The following RRBP1 variants were observed in gnomAD, a reference collection of about 807,000 sequenced individuals.
The protein encoded by RRBP1 is ribosome-binding protein 1.
RRBP1 carries 94 observed loss-of-function variants against 165.2 expected under a neutral mutation model. The ratio of observed to expected loss-of-function variants is 0.57; its 90% CI spans 0.48 to 0.68. RRBP1 has a LOEUF of 0.68. Among genes scored for constraint, RRBP1 ranks in the 30% least tolerant of loss-of-function variants. RRBP1 has a pLI of 0.00. For missense variants in RRBP1, 1,676 were observed against 1,763.0 expected, an observed-to-expected ratio of 0.95 and a Z score of 0.88; for synonymous variants, 680 against 714.5, an observed-to-expected ratio of 0.95 and a Z score of 0.77.
intron 8 of RRBP1, 75 bp from the exon 9 acceptor site, chr20:17,630,036 G>A (rs188433568): frequency 1.2e-5 from 18 of 1,485,490 alleles, no homozygotes; most frequent in Non-Finnish European, 1.6e-5. Context: ...GGTGGAGGCG[G>A]ACAGAGCTCT....
intron 9 of RRBP1, 45 bp downstream of exon 9, chr20:17,629,778 C>T: frequency 6.4e-7 from 1 of 1,564,602 alleles, no homozygotes; most frequent in East Asian, 2.3e-5. Context: ...CATGCAGACC[C>T]AGCACCCTGC....
chr20:17,668,327 A>G (rs1168134079), intron 2 of RRBP1, among the ~76,000 whole-genome samples: 1 of 152,130 alleles, frequency 6.6e-6, no homozygotes, highest in African/African-American at 2.4e-5. Context: ...GTCCTTCGTT[A>G]TTCGATTTGT....
chr20:17,625,409 G>A (rs1199432129), intron 12 of RRBP1, 103 bp downstream of exon 12: 8 of 985,930 alleles, frequency 8.1e-6, no homozygotes, highest in Non-Finnish European at 1.3e-5. Flanking sequence ...CACAAGCTCA[G>A]CCCTCCCCCG....
intron 8 of RRBP1, among the ~76,000 whole-genome samples, chr20:17,630,736 C>A (rs922013627): frequency 2.1e-4 from 32 of 152,206 alleles, no homozygotes; most frequent in Non-Finnish European, 4.4e-5. Flanking sequence ...TTGGAGAACT[C>A]AGTTCTCCAA....
chr20:17,629,814 C>CGCT lies in RRBP1; in HGVS notation c.2749+8_2749+9insAGC, dbSNP rs2036112207. On this transcript the variant is annotated intron_variant, in intron 9 of 24. Transcript: ENST00000377813. ...ACTGAACCCCCGGCCCCACTGCCGC[C>CGCT]GCCCTTACCGGCCATCTGCTGCTGT... is the stretch of plus-strand genomic sequence containing the variant. 1 of 1,594,296 alleles carries CGCT rather than the reference C, an allele frequency of 6.3e-7. No individual in the cohort carries two copies. Among genetic ancestry groups the CGCT allele is most frequent in the Admixed American group, 1.7e-5 (1 of 59,800 alleles).
chr20:17,618,914 A>G (rs1276468236), intron 19 of RRBP1: 1 of 506,282 alleles, frequency 2.0e-6, no homozygotes, highest in Non-Finnish European at 3.6e-6. Context: ...GCCTTCACAA[A>G]TGTTTACTGA....
intron 3 of RRBP1, among the ~76,000 whole-genome samples, chr20:17,648,749 A>C (rs2036507465): frequency 1.3e-5 from 2 of 152,224 alleles, no homozygotes; most frequent in African/African-American, 4.8e-5. Flanking sequence ...AAATTTCAAC[A>C]AAACCAATTT....
chr20:17,644,856 T>C (rs1051758509), intron 3 of RRBP1, among the ~76,000 whole-genome samples: 1 of 152,258 alleles, frequency 6.6e-6, no homozygotes, highest in African/African-American at 2.4e-5. Context: ...TGAAATAACA[T>C]TTTGGATAAA....
rs1370074981 is a variant in RRBP1, at chr20:17,618,663, A to G, written c.3692T>C (p.Leu1231Pro). The G allele has an allele frequency of 6.2e-7, 1 of 1,613,934 alleles. No homozygotes were observed. The highest frequency in any genetic ancestry group is 8.5e-7 in the Non-Finnish European group (1 of 1,179,956). ...KEVAGLRQLLLESQSQLDAAK... is the reference protein window; with the variant it reads ...KEVAGLRQLLPESQSQLDAAK... Reference sequence around the variant, plus strand: ...GGCATCGAGCTGAGATTGAGATTCTAGGAGAAGTTGCCTCAGCTTGGGGAG... The same window carrying G: ...GGCATCGAGCTGAGATTGAGATTCTGGGAGAAGTTGCCTCAGCTTGGGGAG... Residue 1231 changes from leucine to proline, a missense_variant, in exon 20 of 25, where the codon CTA (leucine) becomes CCA (proline). Transcript: ENST00000377813.
At chr20:17,624,414 GTCCTAGTGCTTCTATGCGT>G (rs1334569836) in intron 13 of RRBP1, among the ~76,000 whole-genome samples, 143 bp downstream of exon 13, 3 of 152,180 alleles carry the variant, frequency 2.0e-5, no homozygotes, top group Non-Finnish European at 4.4e-5. Context: ...GCATCTGTGT[GTCCTAGTGCTTCTATGCGT>G]TCCTAGTGCC....
chr20:17,669,488 GGTCA>G (rs1359560585), intron 2 of RRBP1, among the ~76,000 whole-genome samples: 1 of 152,124 alleles, frequency 6.6e-6, no homozygotes, highest in Admixed American at 6.5e-5. Context: ...CAAAAGCAGG[GGTCA>G]GTGTCATCTA....
chr20:17,627,627 C>A lies in RRBP1; in HGVS notation c.2805G>T (p.Glu935Asp), dbSNP rs764354821. The stretch of plus-strand genomic sequence containing the variant: ...GGAGCTGCCCGTGGAGGCCACTCAG[C>A]TCCTCGCATTTGCTGCGCACCTCCG... ...SEAEVRSKCE[E>D]LSGLHGQLQE... The change falls in exon 10 of 25, where the codon GAG (glutamate) becomes GAT (aspartate). Residue 935 changes from glutamate to aspartate, a missense_variant. Glu to Asp is a conservative substitution (Grantham distance 45). Transcript: ENST00000377813. 1.2e-6 allele frequency: 2 copies of A among 1,613,156 alleles called. No homozygotes were observed. Among genetic ancestry groups the A allele is most frequent in the Admixed American group, 3.3e-5 (2 of 59,894 alleles).
chr20:17,651,095 A>C (rs535345613), intron 3 of RRBP1, among the ~76,000 whole-genome samples: 26 of 152,310 alleles, frequency 1.7e-4, no homozygotes, highest in African/African-American at 6.0e-4. Context: ...GGATCCCATC[A>C]ATTTCCTCCT....
intron 24 of RRBP1, among the ~76,000 whole-genome samples, chr20:17,614,465 CAA>C (rs1305105983): frequency 6.6e-6 from 1 of 152,090 alleles, no homozygotes; most frequent in Non-Finnish European, 1.5e-5. Flanking sequence ...CACACAGGTG[CAA>C]AGTGAGGACC....
chr20:17,625,435 C>G, intron 12 of RRBP1, 77 bp downstream of exon 12: 1 of 1,288,050 alleles, frequency 7.8e-7, no homozygotes, highest in East Asian at 2.3e-5. Context: ...AGGGCGGGTG[C>G]CACATAGCAG....
chr20:17,619,674 C>G lies in RRBP1; in HGVS notation c.3634G>C (p.Ala1212Pro). 1.2e-6 allele frequency: 2 copies of G among 1,612,720 alleles called. No individual in the cohort carries two copies. The highest frequency in any genetic ancestry group is 1.1e-5 in the South Asian group (1 of 90,966). Residue 1212 changes from alanine to proline, a missense_variant, in exon 19 of 25, where the codon GCC (alanine) becomes CCC (proline). Ala to Pro is a conservative substitution (Grantham distance 27, BLOSUM62 -1). Coordinates refer to ENST00000377813, the MANE Select transcript of RRBP1 (RefSeq NM_001365613.2). ...GCGTAGTTCTGGCACTCGGCGCTGGCGGCCGCCATGTGCTTTTCCAGCTCT... is the reference window on the plus strand; with the variant it reads ...GCGTAGTTCTGGCACTCGGCGCTGGGGGCCGCCATGTGCTTTTCCAGCTCT... ...EAELEKHMAA[A>P]SAECQNYAKE...
chr20:17,619,985 C>T (rs370077254), intron 18 of RRBP1, among the ~76,000 whole-genome samples: 57 of 152,324 alleles, frequency 3.7e-4, no homozygotes, highest in Middle Eastern at 3.4e-3. Context: ...AGGGTACCTT[C>T]TCCAGGGCTC....
chr20:17,627,568 T>C lies in RRBP1; in HGVS notation c.2864A>G (p.Glu955Gly), dbSNP rs1221327401. ...EARAENSQLT[E>G]RIRSIEALLE... ...CAGGGCCTCAATGGAACGGATTCTC[T>C]CTGTGAGCTGGGAGTTCTCCGCCCT... Residue 955 changes from glutamate to glycine, a missense_variant, in exon 10 of 25, where the codon GAG (glutamate) becomes GGG (glycine). Glu to Gly is a moderately conservative substitution (Grantham distance 98). This residue lies in a region of RRBP1 where 1,184 missense variants were observed against 1,167.1 expected (regional missense o/e 1.01). Coordinates refer to ENST00000377813, the MANE Select transcript of RRBP1 (RefSeq NM_001365613.2). 2 of 1,613,516 alleles carry C rather than the reference T, an allele frequency of 1.2e-6. No individual in the cohort carries two copies. The highest frequency in any genetic ancestry group is 1.7e-6 in the Non-Finnish European group (2 of 1,179,932).
At chr20:17,616,436 G>A (rs920748572) in intron 21 of RRBP1, among the ~76,000 whole-genome samples, 8 of 152,192 alleles carry the variant, frequency 5.3e-5, no homozygotes, top group African/African-American at 9.7e-5. Flanking sequence ...TTCGATGGCT[G>A]CAGACCCTGC....
Sources: allele counts gnomAD v4.1 joint callset (sites outside exome capture counted in the v4.1 genomes callset), GRCh38; gene constraint gnomAD v4.1.1; regional missense constraint gnomAD v4.1.1; transcripts MANE v1.5; gene names NCBI Gene and HGNC (gene_info 2026-07-23, HGNC 2026-07-21).